MAST2: variants seen among roughly 807,000 people sequenced by gnomAD.
MAST2 encodes the protein microtubule-associated serine/threonine-protein kinase 2.
Under a neutral mutation model 147.4 loss-of-function variants are expected in MAST2, and 70 were observed. The ratio of observed to expected loss-of-function variants is 0.47; its 90% confidence interval spans 0.39 to 0.58. The LOEUF (loss-of-function observed/expected upper bound fraction) is 0.58. Among genes scored for constraint, MAST2 ranks in the 20% least tolerant of loss-of-function variants. The pLI, the probability that MAST2 is intolerant of heterozygous loss-of-function variation, is 0.00. For missense variants in MAST2, 2,080 were observed against 2,302.3 expected (o/e 0.90, Z 1.98); for synonymous variants, 869 against 896.8 (o/e 0.97, Z 0.55).
intron 4 of MAST2, chr1:45,917,521 C>T (rs756439697): frequency 5.1e-6 from 7 of 1,366,522 alleles, no homozygotes; most frequent in Non-Finnish European, 5.9e-6. Context: ...TCCAGCCGCC[C>T]ACTGCCGTGG....
intron 1 of MAST2, among the ~76,000 whole-genome samples, chr1:45,809,499 C>T (rs531762156): frequency 2.0e-5 from 3 of 152,148 alleles, no homozygotes; most frequent in South Asian, 2.1e-4. Context: ...AAAAATTAGT[C>T]GGGGTTGGTG....
intron 3 of MAST2, among the ~76,000 whole-genome samples, chr1:45,868,741 A>G (rs1646262799): frequency 6.6e-6 from 1 of 152,150 alleles, no homozygotes; most frequent in African/African-American, 2.4e-5. Context: ...TGATTCAGCT[A>G]ATTTTTAGTC....
At chr1:46,013,811 G>C (rs1302699155) in intron 10 of MAST2, among the ~76,000 whole-genome samples, 1 of 152,140 alleles carries the variant, frequency 6.6e-6, no homozygotes, top group Non-Finnish European at 1.5e-5. Flanking sequence ...GAACAGCCAA[G>C]AGAACATGTT....
chr1:45,823,690 C>T (rs1192822836), intron 1 of MAST2, among the ~76,000 whole-genome samples: 1 of 152,112 alleles, frequency 6.6e-6, no homozygotes, highest in African/African-American at 2.4e-5. Context: ...TGATGTGTTA[C>T]TTATCTGTAT....
In MAST2 at chr1:45,948,250, C is replaced by T. The variant is rs550941020; in HGVS notation, c.501-11136C>T. On this transcript the variant is annotated intron_variant, in intron 4 of 28. Transcript: ENST00000361297. ...ATTGCAAAACACTGCTCAAAGAAAT[C>T]GGAGAGGACACAAACAAATGGAAAA... Among the ~76,000 whole-genome samples the T allele has an allele frequency of 1.2e-4, 19 of 152,138 alleles. No homozygotes were observed. The South Asian group carries it at 2.7e-3, about 22-fold the overall frequency.
intron 3 of MAST2, among the ~76,000 whole-genome samples, chr1:45,842,805 T>C (rs1645318051): frequency 6.6e-6 from 1 of 152,216 alleles, no homozygotes; most frequent in African/African-American, 2.4e-5. Context: ...GGGATATACC[T>C]GGGGTGGAAT....
chr1:45,980,832 G>A (rs1644377567), intron 5 of MAST2, among the ~76,000 whole-genome samples: 1 of 152,138 alleles, frequency 6.6e-6, no homozygotes, highest in Middle Eastern at 3.4e-3. Context: ...TACCATGCTG[G>A]CCCAGAATGT....
intron 3 of MAST2, among the ~76,000 whole-genome samples, chr1:45,839,969 C>T (rs1238602459): frequency 2.0e-5 from 3 of 152,148 alleles, no homozygotes; most frequent in Non-Finnish European, 4.4e-5. Flanking sequence ...CAAAAATTAA[C>T]TTGAAGTGGG....
intron 5 of MAST2, among the ~76,000 whole-genome samples, chr1:45,982,001 C>T (rs561874667): frequency 6.6e-6 from 1 of 152,168 alleles, no homozygotes; most frequent in East Asian, 1.9e-4. Flanking sequence ...TGCACACCAC[C>T]ACGCCCAGCT....
At chr1:45,917,535 T>G (rs779008087) in intron 4 of MAST2, 1 of 1,366,330 alleles carries the variant, frequency 7.3e-7, no homozygotes, top group Admixed American at 1.9e-5. Flanking sequence ...GCCGTGGAGG[T>G]AAGGAAACTT....
At chr1:45,950,425 A>G (rs936285359) in intron 4 of MAST2, among the ~76,000 whole-genome samples, 5 of 152,216 alleles carry the variant, frequency 3.3e-5, no homozygotes, top group Non-Finnish European at 7.3e-5. Context: ...AACCACTGGC[A>G]TGTACAGATA....
At chr1:45,817,959 C>G (rs543592657) in intron 1 of MAST2, among the ~76,000 whole-genome samples, 19 of 152,298 alleles carry the variant, frequency 1.2e-4, no homozygotes, top group African/African-American at 4.6e-4. Context: ...ATTTGACGAA[C>G]TCTTGGAAAG....
intron 2 of MAST2, among the ~76,000 whole-genome samples, chr1:45,828,364 A>G (rs1233339684): frequency 6.6e-6 from 1 of 152,188 alleles, no homozygotes; most frequent in Non-Finnish European, 1.5e-5. Context: ...AGCCAGGGGA[A>G]AGTGCAGGGC....
chr1:45,827,569 T>C (rs1446383881), intron 2 of MAST2, among the ~76,000 whole-genome samples: 1 of 152,128 alleles, frequency 6.6e-6, no homozygotes, highest in Non-Finnish European at 1.5e-5. Flanking sequence ...TCTGGAGAAA[T>C]GCACATTTGC....
intron 3 of MAST2, among the ~76,000 whole-genome samples, chr1:45,838,492 G>A (rs1645174293): frequency 1.3e-5 from 2 of 151,778 alleles, no homozygotes; most frequent in Admixed American, 6.6e-5. Flanking sequence ...CAAAGTGCTG[G>A]GATTACAGGT....
intron 3 of MAST2, among the ~76,000 whole-genome samples, chr1:45,841,728 A>G (rs967944035): frequency 6.6e-6 from 1 of 152,212 alleles, no homozygotes; most frequent in Admixed American, 6.5e-5. Context: ...GCTGCAGCAG[A>G]GTGCAGTACA....
intron 4 of MAST2, among the ~76,000 whole-genome samples, chr1:45,933,902 T>C (rs1418776849): frequency 7.6e-6 from 1 of 131,490 alleles, no homozygotes; most frequent in Non-Finnish European, 1.6e-5. Flanking sequence ...TGAAAAATTT[T>C]AAGTTTTTTT....
chr1:45,821,214 A>G (rs1288148798), intron 1 of MAST2, among the ~76,000 whole-genome samples: 3 of 151,544 alleles, frequency 2.0e-5, no homozygotes, highest in Admixed American at 2.0e-4. Context: ...TTTTTTCCTC[A>G]TTTTTGAAGG....
intron 4 of MAST2, chr1:45,913,503 C>T: frequency 1.2e-6 from 1 of 813,742 alleles, no homozygotes; most frequent in Middle Eastern, 6.4e-4. Context: ...GTGCTTGTCA[C>T]TGACGCAGGA....
Sources: gnomAD v4.1 joint callset for allele counts (sites outside exome capture counted in the v4.1 genomes callset) on GRCh38, gnomAD v4.1.1 for gene constraint, MANE v1.5 for transcripts, NCBI Gene and HGNC (gene_info 2026-07-23, HGNC 2026-07-21) for gene names.